Variants in EPHA8 observed in about 807,000 individuals in gnomAD.
The protein encoded by EPHA8 is ephrin type-A receptor 8.
Under a neutral mutation model 103.6 loss-of-function variants are expected in EPHA8, and 58 were observed. The ratio of observed to expected loss-of-function variants is 0.56; its 90% confidence interval spans 0.45 to 0.70. The LOEUF (loss-of-function observed/expected upper bound fraction) is 0.70, where lower values mean the gene tolerates loss of function less well. Among genes scored for constraint, EPHA8 ranks in the 30% least tolerant of loss-of-function variants. EPHA8 has a pLI of 0.00. For missense variants in EPHA8, 1,304 were observed against 1,395.2 expected (o/e 0.93, Z 1.04); for synonymous variants, 559 against 572.5 (o/e 0.98, Z 0.34).
In EPHA8 at chr1:22,598,325, C is replaced by G; in HGVS notation, c.2178+113C>G. 1 of 1,069,154 alleles carries G rather than the reference C, an allele frequency of 9.4e-7. No individual in the cohort carries two copies. Among genetic ancestry groups the G allele is most frequent in the Non-Finnish European group, 1.4e-6 (1 of 732,750 alleles). The allele number at this position is 1,069,154 out of a possible 1,614,324, so 66.2% of individuals were successfully genotyped here. ...CCCTCCCTGGCTTGGACACCACAGG[C>G]CGGGGGACAGGAGGCAGGTATAGGG... On this transcript the variant is annotated intron_variant, in intron 12 of 16. Coordinates refer to ENST00000166244, the MANE Select transcript of EPHA8 (RefSeq NM_020526.5). The surrounding 1 kb of genome is among the most constrained non-coding windows in gnomAD (Gnocchi z 5.1).
chr1:22,575,732 C>A (rs1412581368), intron 2 of EPHA8, among the ~76,000 whole-genome samples: 1 of 152,202 alleles, frequency 6.6e-6, no homozygotes, highest in Middle Eastern at 3.4e-3. Flanking sequence ...AATCACTCAA[C>A]AAGCAGCTGT....
In EPHA8 at chr1:22,567,988, CAGTT is replaced by C. The variant is rs1262278170; in HGVS notation, c.95-1298_95-1295del. On this transcript the variant is annotated intron_variant, in intron 1 of 16. Coordinates refer to ENST00000166244, the MANE Select transcript of EPHA8 (RefSeq NM_020526.5). This position sits in a 1 kb window ranked among gnomAD's most constrained non-coding sequence, Gnocchi z 4.2. ...AAGGGACTTAACCAAGGACACACAG[CAGTT>C]AGAGACGGCTGAAGCCGGAGCCCTG... Among the ~76,000 whole-genome samples the C allele has an allele frequency of 2.6e-5, 4 of 152,246 alleles. No individual in the cohort carries two copies. The highest frequency in any genetic ancestry group is 9.6e-5 in the African/African-American group (4 of 41,464).
chr1:22,600,553 C>G, intron 13 of EPHA8, 108 bp from the exon 14 acceptor site: 4 of 1,455,314 alleles, frequency 2.7e-6, no homozygotes, highest in Non-Finnish European at 3.7e-6. Context: ...TGTGTTGTCC[C>G]TCTGGACTGG....
At chr1:22,574,501 C>T (rs1640630107) in intron 2 of EPHA8, among the ~76,000 whole-genome samples, 1 of 152,230 alleles carries the variant, frequency 6.6e-6, no homozygotes, top group Admixed American at 6.5e-5. Context: ...TGGCAGCCAG[C>T]ATTCTACTTT....
rs149768555 is a variant in EPHA8 at position 22,567,616 on chromosome 1, G to C, written c.95-1673G>C. ...GCCGGCCTCCTTCAGGGTCCCTGAC[G>C]GTGGGGTGGGGAGGGTGAGAGGCAG... is the stretch of plus-strand genomic sequence containing the variant. On this transcript the variant is annotated intron_variant, in intron 1 of 16. Transcript: ENST00000166244. This position sits in a 1 kb window ranked among gnomAD's most constrained non-coding sequence, Gnocchi z 4.2. Among the ~76,000 whole-genome samples, 1 of 152,060 alleles carries C rather than the reference G, an allele frequency of 6.6e-6. No individual in the cohort carries two copies. Among genetic ancestry groups the C allele is most frequent in the Non-Finnish European group, 1.5e-5 (1 of 67,996 alleles).
intron 3 of EPHA8, among the ~76,000 whole-genome samples, chr1:22,579,140 TGC>T (rs1407341233): frequency 2.0e-5 from 3 of 151,394 alleles, no homozygotes; most frequent in Non-Finnish European, 4.4e-5. Flanking sequence ...CATGTGTGTG[TGC>T]ATATGTGCAA....
chr1:22,579,424 A>G (rs566356385), intron 3 of EPHA8, among the ~76,000 whole-genome samples: 2 of 150,846 alleles, frequency 1.3e-5, no homozygotes, highest in East Asian at 3.9e-4. Flanking sequence ...GTATGTGTGC[A>G]TGTGTTTGCA....
intron 3 of EPHA8, among the ~76,000 whole-genome samples, chr1:22,582,093 A>G (rs1454944614): frequency 1.3e-5 from 2 of 152,152 alleles, no homozygotes; most frequent in Middle Eastern, 3.2e-3. Flanking sequence ...AGAGTGGGGT[A>G]CCTTTCCTGG....
Position 22,589,246 on chromosome 1 carries a change from C to T in EPHA8, c.1315+40C>T, listed in dbSNP as rs1023429699. The T allele has an allele frequency of 1.2e-6, 2 of 1,614,066 alleles. No individual in the cohort carries two copies. The highest frequency in any genetic ancestry group is 1.7e-6 in the Non-Finnish European group (2 of 1,180,024). On this transcript the variant is annotated intron_variant, in intron 5 of 16. Coordinates refer to ENST00000166244, the MANE Select transcript of EPHA8 (RefSeq NM_020526.5). This position sits in a 1 kb window ranked among gnomAD's most constrained non-coding sequence, Gnocchi z 4.3. ...TCCGTCCCGCAGCGTCCTGGTCCCCCAGCTTCCCCTGCCTCAGACCCATCC... is the reference window on the plus strand; with the variant it reads ...TCCGTCCCGCAGCGTCCTGGTCCCCTAGCTTCCCCTGCCTCAGACCCATCC...
intron 3 of EPHA8, among the ~76,000 whole-genome samples, chr1:22,583,152 C>T (rs142527169): frequency 0.017 from 2,595 of 152,302 alleles, 32 homozygotes; most frequent in Non-Finnish European, 0.026. Context: ...GCTCGCGGCC[C>T]AACACCCGGG....
In EPHA8 at chr1:22,589,436, G is replaced by A; in HGVS notation, c.1315+230G>A. 6.7e-7 allele frequency: 1 copy of A among 1,494,170 alleles called. No homozygotes were observed. Among genetic ancestry groups the A allele is most frequent in the Non-Finnish European group, 8.9e-7 (1 of 1,129,854 alleles). The allele number at this position is 1,494,170 out of a possible 1,614,324, so 92.6% of individuals were successfully genotyped here. A position where few individuals can be genotyped will look rare whatever the true frequency, so the allele number is the denominator to read the frequency against. On this transcript the variant is annotated intron_variant, in intron 5 of 16. Transcript: ENST00000166244. This position sits in a 1 kb window ranked among gnomAD's most constrained non-coding sequence, Gnocchi z 4.3. Reference sequence around the variant, plus strand: ...ATCCCAAAAGCTCAGAGGCAGGCTAGTGTGGCCGTCGAAAGCCTAGGTTCC... The same window carrying A: ...ATCCCAAAAGCTCAGAGGCAGGCTAATGTGGCCGTCGAAAGCCTAGGTTCC...
intron 3 of EPHA8, among the ~76,000 whole-genome samples, chr1:22,585,044 TGTGTGTGCGCACGC>T (rs1175673590): frequency 1.7e-5 from 2 of 117,348 alleles, no homozygotes; most frequent in African/African-American, 4.5e-5. Context: ...TGTGTGTGTG[TGTGTGTGCGCACGC>T]GTGTGTCTAG....
In EPHA8 at chr1:22,597,941, T is replaced by C; in HGVS notation, c.2116+80T>C. ...GCCTCTGGGTCCATCCCCTCATCCA[T>C]CCTGCTCTGCCCCACCTGACCCTGT... On this transcript the variant is annotated intron_variant, in intron 11 of 16. Coordinates refer to ENST00000166244, the MANE Select transcript of EPHA8 (RefSeq NM_020526.5). The surrounding 1 kb of genome is among the most constrained non-coding windows in gnomAD (Gnocchi z 4.6). 1.3e-6 allele frequency: 2 copies of C among 1,538,084 alleles called. No individual in the cohort carries two copies.
rs563584311 is a variant in EPHA8 at position 22,601,518 on chromosome 1, G to C, written c.2903+45G>C. On this transcript the variant is annotated intron_variant, in intron 16 of 16. Transcript: ENST00000166244. ...GGGGCCCCATGCGTGTGGGGGCAGG[G>C]GGGGGGACCCCTGCCGGGGAGGCTA... 146 of 1,605,332 alleles carry C rather than the reference G, an allele frequency of 9.1e-5. No homozygotes were observed. In the African/African-American group the frequency reaches 1.6e-3, roughly 17 times the overall value.
At position 22,589,522 on chromosome 1, in the gene EPHA8, C is replaced by G; in HGVS notation, c.1315+316C>G. 1 of 1,398,904 alleles carries G rather than the reference C, an allele frequency of 7.1e-7. No individual in the cohort carries two copies. The highest frequency in any genetic ancestry group is 9.3e-7 in the Non-Finnish European group (1 of 1,080,786). 86.7% of individuals were successfully genotyped at this position (1,398,904 alleles called of 1,614,324 possible). On this transcript the variant is annotated intron_variant, in intron 5 of 16. Coordinates refer to ENST00000166244, the MANE Select transcript of EPHA8 (RefSeq NM_020526.5). The surrounding 1 kb of genome is among the most constrained non-coding windows in gnomAD (Gnocchi z 4.3). ...GGTGCAATGGGAATAATAGTACCTG[C>G]CTGAGGTCCTCTCAGGAGGCTTAAA...
At chr1:22,572,182 A>G (rs1640560287) in intron 2 of EPHA8, among the ~76,000 whole-genome samples, 1 of 152,226 alleles carries the variant, frequency 6.6e-6, no homozygotes, top group African/African-American at 2.4e-5. Flanking sequence ...GGCAGTCTCC[A>G]GCCTCAGAAA....
At position 22,597,555 on chromosome 1, in the gene EPHA8, G is replaced by T; in HGVS notation, c.1930+79G>T. On this transcript the variant is annotated intron_variant, in intron 10 of 16. Transcript: ENST00000166244. This position sits in a 1 kb window ranked among gnomAD's most constrained non-coding sequence, Gnocchi z 4.6. ...CCAGGGCAAGGTGGGGGCACCCAGG[G>T]CAGAGGGAGCGTGTGACCCAGGGGT... 1 of 1,570,442 alleles carries T rather than the reference G, an allele frequency of 6.4e-7. No homozygotes were observed. The highest frequency in any genetic ancestry group is 8.6e-7 in the Non-Finnish European group (1 of 1,156,972).
Position 22,595,817 on chromosome 1 carries a change from T to G in EPHA8, c.1698-289T>G, listed in dbSNP as rs116492046. On this transcript the variant is annotated intron_variant, in intron 8 of 16. Coordinates refer to ENST00000166244, the MANE Select transcript of EPHA8 (RefSeq NM_020526.5). Reference sequence around the variant, plus strand: ...CTCCCAATGCCCCCACCAAGGGTGGTTTCATATAACATGGGGCTAACAGCA... The same window carrying G: ...CTCCCAATGCCCCCACCAAGGGTGGGTTCATATAACATGGGGCTAACAGCA... Among the ~76,000 whole-genome samples the G allele has an allele frequency of 5.1e-3, 772 of 152,252 alleles. 7 individuals carry two copies. The highest frequency in any genetic ancestry group is 0.017 in the African/African-American group (723 of 41,554).
At chr1:22,578,382 ATGTATGCATGTCTGCATGAG>A (rs1350283547) in intron 3 of EPHA8, among the ~76,000 whole-genome samples, 1,347 of 112,864 alleles carry the variant, frequency 0.012, 19 homozygotes, top group African/African-American at 0.041. Context: ...GCTTTAGTAT[ATGTATGCATGTCTGCATGAG>A]TGTATGCATG....
Sources: gnomAD v4.1 joint callset for allele counts (sites outside exome capture counted in the v4.1 genomes callset) on GRCh38, gnomAD v4.1.1 for gene constraint, Gnocchi (gnomAD v3.1) non-coding constraint, MANE v1.5 for transcripts, NCBI Gene and HGNC (gene_info 2026-07-23, HGNC 2026-07-21) for gene names.